The following GRID2 variants were observed in gnomAD, a reference collection of about 807,000 sequenced individuals.
The protein encoded by GRID2 is glutamate receptor ionotropic, delta-2.
In GRID2, 33 loss-of-function variants were observed where a neutral mutation model predicts 114.8. That is an observed-to-expected ratio of 0.29 (90% CI 0.22 to 0.38). The LOEUF is 0.38. GRID2 is among the 10% of genes least tolerant of loss of function. The pLI, the probability that GRID2 is intolerant of heterozygous loss-of-function variation, is 1.00. For missense variants in GRID2, 1,184 were observed against 1,257.7 expected (o/e 0.94, Z 0.89); for synonymous variants, 505 against 449.9 (o/e 1.12, Z -1.55).
At chr4:93,569,593 A>G (rs961284791) in intron 13 of GRID2, among the ~76,000 whole-genome samples, 3 of 152,180 alleles carry the variant, frequency 2.0e-5, no homozygotes, top group Non-Finnish European at 4.4e-5. Flanking sequence ...TATTACCACT[A>G]CTTCCTTTTG....
At chr4:93,122,258 G>T (rs2149363398) in intron 4 of GRID2, among the ~76,000 whole-genome samples, 1 of 152,174 alleles carries the variant, frequency 6.6e-6, no homozygotes, top group South Asian at 2.1e-4. Context: ...GAAATTAATT[G>T]TTTTGCATAA....
chr4:92,328,706 G>T (rs928439963), intron 1 of GRID2, among the ~76,000 whole-genome samples: 1 of 152,022 alleles, frequency 6.6e-6, no homozygotes, highest in Non-Finnish European at 1.5e-5. Context: ...TTAGCTTAAG[G>T]AACTAAAAAC....
chr4:93,323,477 G>A (rs1416705287), intron 8 of GRID2, among the ~76,000 whole-genome samples: 3 of 152,148 alleles, frequency 2.0e-5, no homozygotes, highest in Admixed American at 2.0e-4. Flanking sequence ...AAGTCAGGTA[G>A]TGTGATGCCT....
Position 92,437,108 on chromosome 4 carries a change from G to A in GRID2, c.88+132364G>A, listed in dbSNP as rs147455128. Among the ~76,000 whole-genome samples, 217 of 152,192 alleles carry A rather than the reference G, an allele frequency of 1.4e-3. 2 individuals are homozygous for A. Among genetic ancestry groups the A allele is most frequent in the Middle Eastern group, 6.8e-3 (2 of 294 alleles). ...GTGTCTATAATTGACTAAGATGTTC[G>A]TATTTGAATCATGTGGGTCTTATAC... On this transcript the variant is annotated intron_variant, in intron 1 of 15. Transcript: ENST00000282020.
At chr4:93,154,857 T>C (rs1049832334) in intron 4 of GRID2, among the ~76,000 whole-genome samples, 5 of 151,936 alleles carry the variant, frequency 3.3e-5, no homozygotes, top group African/African-American at 1.2e-4. Flanking sequence ...GAACCCATTC[T>C]CTGTCCTTCT....
intron 8 of GRID2, among the ~76,000 whole-genome samples, chr4:93,263,010 CTT>C (rs1256459925): frequency 6.6e-6 from 1 of 151,820 alleles, no homozygotes; most frequent in African/African-American, 2.4e-5. Context: ...TTGCTGTAAA[CTT>C]TTGATAACTA....
At chr4:92,437,297 T>G (rs935231209) in intron 1 of GRID2, among the ~76,000 whole-genome samples, 1 of 152,238 alleles carries the variant, frequency 6.6e-6, no homozygotes, top group African/African-American at 2.4e-5. Flanking sequence ...GTTTTTGTTT[T>G]GAGACAGATT....
intron 1 of GRID2, among the ~76,000 whole-genome samples, chr4:92,471,926 C>CTTTTTTTTTT (rs1186215701): frequency 8.7e-5 from 5 of 57,342 alleles, no homozygotes; most frequent in Non-Finnish European, 1.2e-4. Flanking sequence ...ATCCATATTT[C>CTTTTTTTTTT]TTTTTTTTTT....
chr4:92,336,803 GCTT>G (rs1279147885), intron 1 of GRID2, among the ~76,000 whole-genome samples: 1 of 151,840 alleles, frequency 6.6e-6, no homozygotes, highest in Admixed American at 6.6e-5. Flanking sequence ...GTGTCATGCT[GCTT>G]CTTCTTCAGG....
At position 93,682,940 on chromosome 4, in the gene GRID2, A is replaced by T. The variant is rs1012414574; in HGVS notation, c.2360+56505A>T. 2.4e-4 allele frequency among the ~76,000 whole-genome samples: 37 copies of T among 152,038 alleles called. No homozygotes were observed. In the East Asian group the frequency reaches 5.8e-3, roughly 24 times the overall value. On this transcript the variant is annotated intron_variant, in intron 14 of 15. Coordinates refer to ENST00000282020, the MANE Select transcript of GRID2 (RefSeq NM_001510.4). ...AAAACTTAAAGTATAATAATAATAA[A>T]AAAAAAAGAAAGAAAAGAAAAACAC...
intron 10 of GRID2, among the ~76,000 whole-genome samples, chr4:93,435,649 AATAG>A (rs754790442): frequency 3.3e-5 from 5 of 152,216 alleles, no homozygotes; most frequent in African/African-American, 7.2e-5. Flanking sequence ...AATTTGATGA[AATAG>A]ATAGTTAATA....
In GRID2 at chr4:93,351,883, A is replaced by G. The variant is rs79733447; in HGVS notation, c.1246-43724A>G. Among the ~76,000 whole-genome samples, 55 of 152,098 alleles carry G rather than the reference A, an allele frequency of 3.6e-4. 1 individual carries two copies. The East Asian group carries it at 9.5e-3, about 26-fold the overall frequency. On this transcript the variant is annotated intron_variant, in intron 8 of 15. Coordinates refer to ENST00000282020, the MANE Select transcript of GRID2 (RefSeq NM_001510.4). ...GACCCAGTGCTGCCTACCAAACATG[A>G]TATAAGCTCCTTGAAGTCAGGGAGA...
chr4:92,573,615 T>A (rs143660824), intron 1 of GRID2, among the ~76,000 whole-genome samples: 82 of 152,172 alleles, frequency 5.4e-4, no homozygotes, highest in African/African-American at 1.5e-3. Flanking sequence ...CATGTAGTTG[T>A]ATGGTTTTGA....
At chr4:92,735,528 T>A (rs1222987322) in intron 2 of GRID2, among the ~76,000 whole-genome samples, 4 of 152,178 alleles carry the variant, frequency 2.6e-5, no homozygotes, top group Non-Finnish European at 5.9e-5. Context: ...TGGGGACTAC[T>A]GTGTTTATTG....
chr4:92,745,562 A>C (rs1326205422), intron 2 of GRID2, among the ~76,000 whole-genome samples: 1 of 152,182 alleles, frequency 6.6e-6, no homozygotes, highest in African/African-American at 2.4e-5. Flanking sequence ...ATATTTTAAT[A>C]CTAGATGAGA....
intron 1 of GRID2, among the ~76,000 whole-genome samples, chr4:93,787,803 G>A (rs1239467381): frequency 2.0e-5 from 3 of 152,180 alleles, no homozygotes; most frequent in East Asian, 1.9e-4. Flanking sequence ...TCAAGTTCAA[G>A]TGGAAATACA....
At chr4:92,760,098 G>T (rs1212726451) in intron 2 of GRID2, among the ~76,000 whole-genome samples, 1 of 151,594 alleles carries the variant, frequency 6.6e-6, no homozygotes, top group East Asian at 2.0e-4. Context: ...AAATTAGCCA[G>T]GTGTGGTGGC....
chr4:93,165,904 T>C lies in GRID2; in HGVS notation c.736-41500T>C, dbSNP rs184315022. 3.5e-4 allele frequency among the ~76,000 whole-genome samples: 54 copies of C among 152,250 alleles called. No homozygotes were observed. The South Asian group carries it at 5.6e-3, about 16-fold the overall frequency. On this transcript the variant is annotated intron_variant, in intron 4 of 15. Coordinates refer to ENST00000282020, the MANE Select transcript of GRID2 (RefSeq NM_001510.4). The stretch of plus-strand genomic sequence containing the variant: ...GAGGAATGTCATTTGTATTTATTAA[T>C]ACTCAACCAATATTGCATTGAATAT...
intron 2 of GRID2, among the ~76,000 whole-genome samples, chr4:92,882,482 A>T (rs1464342825): frequency 6.6e-6 from 1 of 152,156 alleles, no homozygotes; most frequent in Non-Finnish European, 1.5e-5. Context: ...GCAATACTGG[A>T]TAGTCAGTGG....
Sources: gnomAD v4.1 joint callset for allele counts (sites outside exome capture counted in the v4.1 genomes callset) on GRCh38, gnomAD v4.1.1 for gene constraint, MANE v1.5 for transcripts, NCBI Gene and HGNC (gene_info 2026-07-23, HGNC 2026-07-21) for gene names.